FRMPD2: variants seen among roughly 807,000 people sequenced by gnomAD.
The protein encoded by FRMPD2 is FERM and PDZ domain containing 2.
FRMPD2 carries 96 observed loss-of-function variants against 140.1 expected under a neutral mutation model. That is an observed-to-expected ratio of 0.69 (90% CI 0.58 to 0.81). FRMPD2 has a LOEUF of 0.81. Ranked by LOEUF, FRMPD2 falls within the 40% of genes least tolerant of loss-of-function variation. The pLI is 0.00. For missense variants in FRMPD2, 1,240 were observed against 1,447.4 expected (o/e 0.86, Z 2.32); for synonymous variants, 449 against 547.6 (o/e 0.82, Z 2.52).
chr10:48,183,236 C>T (rs1160051416), intron 20 of FRMPD2, among the ~76,000 whole-genome samples: 1 of 152,132 alleles, frequency 6.6e-6, no homozygotes, highest in Non-Finnish European at 1.5e-5. Flanking sequence ...CTGTACAACA[C>T]CCCTCAAGTG....
At chr10:48,166,420 T>C (rs1258364950) in intron 27 of FRMPD2, among the ~76,000 whole-genome samples, 2 of 95,264 alleles carry the variant, frequency 2.1e-5, no homozygotes, top group Admixed American at 1.9e-4. Flanking sequence ...TGTGCACCAG[T>C]AACCCGAGTG....
At chr10:48,164,456 A>G (rs1367078841) in intron 27 of FRMPD2, among the ~76,000 whole-genome samples, 2 of 149,888 alleles carry the variant, frequency 1.3e-5, no homozygotes, top group Non-Finnish European at 3.0e-5. Flanking sequence ...CCTGAAAATT[A>G]TCTTCCAGCA....
upstream of FRMPD2, chr10:48,274,744 C>T (rs1302300374): frequency 1.6e-6 from 1 of 620,008 alleles, no homozygotes; most frequent in Non-Finnish European, 2.9e-6. Flanking sequence ...AACAAGGCCC[C>T]TTCCCTTTCC....
intron 1 of FRMPD2, among the ~76,000 whole-genome samples, chr10:48,264,874 C>T (rs575429503): frequency 1.3e-5 from 2 of 151,858 alleles, no homozygotes; most frequent in East Asian, 1.9e-4. Context: ...AGGACTGATC[C>T]AACTATCCAA....
At position 48,219,565 on chromosome 10, in the gene FRMPD2, G is replaced by A. The variant is rs377390382; in HGVS notation, c.1455+2748C>T. Reference sequence around the variant, plus strand: ...GCCTTTCCCTTCATCCAGAACATGGGCAAGAGATGAGGGAAGTGCTTCATA... The same window carrying A: ...GCCTTTCCCTTCATCCAGAACATGGACAAGAGATGAGGGAAGTGCTTCATA... On this transcript the variant is annotated intron_variant, in intron 12 of 28. Transcript: ENST00000374201. 2.4e-4 allele frequency among the ~76,000 whole-genome samples: 36 copies of A among 152,282 alleles called. 1 individual carries two copies. Among genetic ancestry groups the A allele is most frequent in the East Asian group, 1.9e-3 (10 of 5,182 alleles).
rs574060711 is a variant in FRMPD2 at position 48,222,188 on chromosome 10, C to G, written c.1455+125G>C. 7.8e-6 allele frequency: 7 copies of G among 900,892 alleles called. No homozygotes were observed. In the South Asian group the frequency reaches 1.3e-4, roughly 16 times the overall value. 55.8% of individuals were successfully genotyped at this position (900,892 alleles called of 1,614,324 possible). A position where few individuals can be genotyped will look rare whatever the true frequency, so the allele number is the denominator to read the frequency against. ...TGGATGGATGGATAAATGTAGTTTA[C>G]TCCAATCTAGCTGGTAGATGCTAAC... On this transcript the variant is annotated intron_variant, in intron 12 of 28. Transcript: ENST00000374201.
At chr10:48,221,827 T>TAC (rs1839591868) in intron 12 of FRMPD2, among the ~76,000 whole-genome samples, 1 of 151,980 alleles carries the variant, frequency 6.6e-6, no homozygotes, top group African/African-American at 2.4e-5. Flanking sequence ...GGTGGATGGG[T>TAC]GTGTGGGTGG....
chr10:48,244,720 A>G (rs1840203974), intron 4 of FRMPD2, 64 bp downstream of exon 4: 1 of 1,263,224 alleles, frequency 7.9e-7, no homozygotes, highest in Non-Finnish European at 1.2e-6. Flanking sequence ...CCTGCCCAGG[A>G]GAAAACCACT....
chr10:48,221,663 A>G (rs1414997992), intron 12 of FRMPD2, among the ~76,000 whole-genome samples: 1 of 152,234 alleles, frequency 6.6e-6, no homozygotes, highest in Non-Finnish European at 1.5e-5. Context: ...TTATGATAGG[A>G]ATTCAATAAA....
intron 8 of FRMPD2, among the ~76,000 whole-genome samples, chr10:48,237,367 G>T (rs551993664): frequency 4.6e-5 from 7 of 152,056 alleles, no homozygotes; most frequent in African/African-American, 1.7e-4. Flanking sequence ...CCCTCTTCAC[G>T]CCCTCCACCA....
chr10:48,229,656 G>A lies in FRMPD2; in HGVS notation c.1168+2459C>T, dbSNP rs74130204. Among the ~76,000 whole-genome samples the A allele has an allele frequency of 2.5e-3, 386 of 152,100 alleles. 1 individual carries two copies. The highest frequency in any genetic ancestry group is 9.0e-3 in the African/African-American group (374 of 41,482). ...AATTGTACAAAATTGCTAGAATTCC[G>A]ATATGTCTTAGTATAATATTTGGTT... On this transcript the variant is annotated intron_variant, in intron 10 of 28. Transcript: ENST00000374201.
intron 13 of FRMPD2, among the ~76,000 whole-genome samples, chr10:48,208,847 G>A (rs1839257750): frequency 1.3e-5 from 2 of 152,182 alleles, no homozygotes; most frequent in Non-Finnish European, 1.5e-5. Flanking sequence ...GTTGAGATGG[G>A]ACCAAGCACT....
chr10:48,232,073 A>C (rs761418581), intron 10 of FRMPD2, 42 bp downstream of exon 10: 1 of 1,598,494 alleles, frequency 6.3e-7, no homozygotes, highest in Non-Finnish European at 8.6e-7. Context: ...CTGGGTTACC[A>C]GAGGCACCAG....
rs1454439196 is a variant in FRMPD2, at chr10:48,185,640, T to C, written c.2272A>G (p.Lys758Glu). 1.2e-6 allele frequency: 2 copies of C among 1,613,164 alleles called. No homozygotes were observed. The highest frequency in any genetic ancestry group is 1.3e-5 in the African/African-American group (1 of 75,018). Reference protein sequence around the residue: ...PPVQSMHAGSKNNRRKSFIAE... With the variant: ...PPVQSMHAGSENNRRKSFIAE... Reference sequence around the variant, plus strand: ...ATAAAGCTCTTCCTCCTATTATTCTTTGAGCCTAGAGGTAGAATCAGAGCA... The same window carrying C: ...ATAAAGCTCTTCCTCCTATTATTCTCTGAGCCTAGAGGTAGAATCAGAGCA... Residue 758 changes from lysine (K) to glutamate (E), a missense_variant, in exon 18 of 29, where the codon AAG becomes GAG. By Grantham distance (56) the Lys-to-Glu change is moderately conservative. Transcript: ENST00000374201.
At chr10:48,247,964 G>T (rs1178886581) in intron 3 of FRMPD2, among the ~76,000 whole-genome samples, 3 of 152,162 alleles carry the variant, frequency 2.0e-5, no homozygotes, top group African/African-American at 7.2e-5. Flanking sequence ...TGGAGCTGGG[G>T]TCACTGGAAC....
chr10:48,225,298 G>T (rs1839697470), intron 10 of FRMPD2, among the ~76,000 whole-genome samples: 1 of 152,178 alleles, frequency 6.6e-6, no homozygotes, highest in African/African-American at 2.4e-5. Context: ...TGAGGGAGGG[G>T]CACTCATGCA....
chr10:48,185,018 C>T (rs1588813114), intron 18 of FRMPD2, 137 bp from the exon 19 acceptor site: 7 of 618,502 alleles, frequency 1.1e-5, no homozygotes, highest in Non-Finnish European at 2.0e-5. Context: ...TTCTGATCCT[C>T]AAATAGAGGA....
chr10:48,172,490 T>A (rs1838287545), intron 25 of FRMPD2, among the ~76,000 whole-genome samples: 2 of 152,144 alleles, frequency 1.3e-5, no homozygotes, highest in African/African-American at 4.8e-5. Flanking sequence ...CTCTAAACGA[T>A]CTTTCGTTTG....
chr10:48,270,157 A>G (rs1367265400), intron 1 of FRMPD2, among the ~76,000 whole-genome samples: 1 of 152,226 alleles, frequency 6.6e-6, no homozygotes, highest in Non-Finnish European at 1.5e-5. Context: ...ATTAAACAAT[A>G]TGGAAAAACT....
Sources: gnomAD v4.1 joint callset for allele counts (sites outside exome capture counted in the v4.1 genomes callset) on GRCh38, gnomAD v4.1.1 for gene constraint, MANE v1.5 for transcripts, NCBI Gene and HGNC (gene_info 2026-07-23, HGNC 2026-07-21) for gene names.